Variants in PDE4D observed in about 807,000 individuals in gnomAD.
The protein encoded by PDE4D is phosphodiesterase 4D.
A neutral mutation model predicts 87.4 loss-of-function variants in PDE4D; 24 were observed. That is an observed-to-expected ratio of 0.27 (90% CI 0.20 to 0.39). The LOEUF is 0.39. Among genes scored for constraint, PDE4D ranks in the 10% least tolerant of loss-of-function variants. The pLI, the probability that PDE4D is intolerant of heterozygous loss-of-function variation, is 1.00. For missense variants in PDE4D, 714 were observed against 1,041.0 expected (o/e 0.69, Z 4.32); for synonymous variants, 384 against 383.2 (o/e 1.00, Z -0.02).
intron 1 of PDE4D, among the ~76,000 whole-genome samples, chr5:60,286,937 A>G (rs1171242970): frequency 6.6e-6 from 1 of 152,206 alleles, no homozygotes; most frequent in Admixed American, 6.5e-5. Context: ...TTCATTGTTC[A>G]AAAATAACAT....
At chr5:59,854,856 T>C (rs1211789591) in intron 1 of PDE4D, among the ~76,000 whole-genome samples, 1 of 152,078 alleles carries the variant, frequency 6.6e-6, no homozygotes, top group Non-Finnish European at 1.5e-5. Flanking sequence ...AAGGTGTGTG[T>C]TGGCAGGAAT....
intron 1 of PDE4D, among the ~76,000 whole-genome samples, chr5:60,442,387 C>A (rs1469982429): frequency 2.0e-5 from 3 of 151,536 alleles, no homozygotes; most frequent in South Asian, 2.1e-4. Context: ...GGGAGTTGAA[C>A]GATGAGAACA....
chr5:59,689,964 A>C (rs909928958), intron 1 of PDE4D, among the ~76,000 whole-genome samples: 6 of 152,190 alleles, frequency 3.9e-5, no homozygotes, highest in African/African-American at 1.4e-4. Context: ...ACTCCAATTC[A>C]CAATTGCTTC....
At chr5:59,135,409 G>A (rs1776897538) in intron 5 of PDE4D, among the ~76,000 whole-genome samples, 1 of 152,054 alleles carries the variant, frequency 6.6e-6, no homozygotes, top group Admixed American at 6.5e-5. Flanking sequence ...AATTAAATGT[G>A]GTCCCTGTTT....
At chr5:59,271,850 T>G (rs1763895345) in intron 1 of PDE4D, among the ~76,000 whole-genome samples, 1 of 151,794 alleles carries the variant, frequency 6.6e-6, no homozygotes, top group African/African-American at 2.4e-5. Flanking sequence ...TGATAAAAAC[T>G]ACATACAATA....
chr5:58,982,049 T>G (rs1745290073), intron 11 of PDE4D, among the ~76,000 whole-genome samples: 1 of 152,196 alleles, frequency 6.6e-6, no homozygotes, highest in East Asian at 1.9e-4. Flanking sequence ...ATCACTGTTG[T>G]GTCTCCTGAT....
At chr5:60,107,081 A>T (rs1032626922) in intron 2 of PDE4D, among the ~76,000 whole-genome samples, 1 of 152,196 alleles carries the variant, frequency 6.6e-6, no homozygotes, top group Non-Finnish European at 1.5e-5. Context: ...TGGTTTTTTG[A>T]AAAGATCAAC....
At chr5:59,536,041 T>C (rs573839018) in intron 1 of PDE4D, among the ~76,000 whole-genome samples, 7 of 152,294 alleles carry the variant, frequency 4.6e-5, no homozygotes, top group African/African-American at 1.4e-4. Context: ...ACTTAAAGAA[T>C]AGTGTCTGAA....
At chr5:59,931,994 G>A (rs1247348680) in intron 3 of PDE4D, among the ~76,000 whole-genome samples, 2 of 152,078 alleles carry the variant, frequency 1.3e-5, no homozygotes, top group Non-Finnish European at 2.9e-5. Flanking sequence ...AGCCACTGTG[G>A]GGCGCGGCCA....
intron 1 of PDE4D, among the ~76,000 whole-genome samples, chr5:59,347,235 A>G (rs916965725): frequency 3.3e-5 from 5 of 152,144 alleles, no homozygotes; most frequent in Admixed American, 1.3e-4. Flanking sequence ...CAGCCAGTCT[A>G]TTTTGTTACC....
intron 1 of PDE4D, among the ~76,000 whole-genome samples, chr5:59,248,056 A>C (rs1445512184): frequency 2.7e-5 from 4 of 149,442 alleles, no homozygotes; most frequent in Admixed American, 1.4e-4. Context: ...AAAAAAAAAA[A>C]AAAAAAAAAA....
upstream of PDE4D, among the ~76,000 whole-genome samples, chr5:59,896,987 C>G (rs942703450): frequency 5.9e-5 from 9 of 152,154 alleles, no homozygotes; most frequent in African/African-American, 2.2e-4. Flanking sequence ...CTTTTTCCCA[C>G]TAGTTGACCA....
intron 1 of PDE4D, among the ~76,000 whole-genome samples, chr5:60,442,391 G>A (rs1745301341): frequency 6.6e-6 from 1 of 151,948 alleles, no homozygotes; most frequent in South Asian, 2.1e-4. Flanking sequence ...GTTGAACGAT[G>A]AGAACACATG....
chr5:59,029,416 CAAAAAAAAAAAA>C (rs34120574), intron 6 of PDE4D, among the ~76,000 whole-genome samples: 1 of 87,036 alleles, frequency 1.1e-5, no homozygotes, highest in Non-Finnish European at 2.0e-5. Flanking sequence ...GACTCCATCA[CAAAAAAAAAAAA>C]AAAAAAAAAC....
chr5:58,992,086 T>C, intron 7 of PDE4D, 82 bp from the exon 8 acceptor site: 3 of 847,862 alleles, frequency 3.5e-6, no homozygotes, highest in Non-Finnish European at 4.9e-6. Context: ...AGGATTATAA[T>C]TGATCATTAT....
chr5:59,993,149 C>A (rs541978476), intron 2 of PDE4D, among the ~76,000 whole-genome samples: 1 of 152,268 alleles, frequency 6.6e-6, no homozygotes, highest in South Asian at 2.1e-4. Flanking sequence ...ATAGATGGTG[C>A]TTGCTAAAAT....
chr5:59,400,698 C>T (rs1183442772), intron 1 of PDE4D, among the ~76,000 whole-genome samples: 1 of 149,612 alleles, frequency 6.7e-6, no homozygotes, highest in Non-Finnish European at 1.5e-5. Context: ...CTAACCTGCA[C>T]AATGTGCACA....
chr5:60,019,645 C>T (rs10041093), intron 2 of PDE4D, among the ~76,000 whole-genome samples: 78,179 of 152,032 alleles, frequency 0.51, 20,760 homozygotes, highest in East Asian at 0.82. Context: ...TGACTTTTCT[C>T]CTTCAGCTTC....
At chr5:60,240,518 C>T (rs141118324) in intron 1 of PDE4D, among the ~76,000 whole-genome samples, 2 of 152,180 alleles carry the variant, frequency 1.3e-5, no homozygotes, top group East Asian at 3.9e-4. Flanking sequence ...TGAACAGTAC[C>T]TTAAGTACGG....
Sources: allele counts gnomAD v4.1 joint callset (sites outside exome capture counted in the v4.1 genomes callset), GRCh38; gene constraint gnomAD v4.1.1; transcripts MANE v1.5; gene names NCBI Gene and HGNC (gene_info 2026-07-23, HGNC 2026-07-21).